Variants in SFI1 observed in about 807,000 individuals in gnomAD.
SFI1 encodes the protein SFI1 centrin binding protein.
SFI1 carries 195 observed loss-of-function variants against 207.5 expected under a neutral mutation model. The ratio of observed to expected loss-of-function variants is 0.94; its 90% confidence interval spans 0.84 to 1.06. The LOEUF (loss-of-function observed/expected upper bound fraction) is 1.06. Among genes scored for constraint, SFI1 ranks in the 50% least tolerant of loss-of-function variants. The probability of loss-of-function intolerance (pLI) is 0.00; values close to 1 mark genes in which losing one functional copy is unlikely to be tolerated. For missense variants in SFI1, 1,634 were observed against 1,588.0 expected (o/e 1.03, Z -0.49); for synonymous variants, 630 against 598.9 (o/e 1.05, Z -0.76).
chr22:31,546,969 C>T lies in SFI1; in HGVS notation c.447C>T (p.Tyr149=). ...TCTGTGTTCGAGCTGACTGTCACTA[C>T]AGGTCAGGTTTCATGTTACACTCCT... ...WKLCVRADCH[Y]RYYLYNLMFQ... Residue 149 remains tyrosine (Y), a splice_region_variant and synonymous_variant, in exon 5 of 33, where the codon TAC becomes TAT. Coordinates refer to ENST00000400288, the MANE Select transcript of SFI1 (RefSeq NM_001007467.3). The T allele has an allele frequency of 8.1e-6, 13 of 1,600,996 alleles. No homozygotes were observed. The highest frequency in any genetic ancestry group is 2.2e-5 in the East Asian group (1 of 44,624).
In SFI1 at chr22:31,615,803, G is replaced by A. The variant is rs1041390702; in HGVS notation, c.3300+524G>A. The A allele has an allele frequency of 4.6e-5, 7 of 153,400 alleles. No homozygotes were observed. In the Admixed American group the frequency reaches 4.6e-4, roughly 10 times the overall value. 9.5% of individuals were successfully genotyped at this position (153,400 alleles called of 1,614,324 possible). A position where few individuals can be genotyped will look rare whatever the true frequency, so the allele number is the denominator to read the frequency against. The stretch of plus-strand genomic sequence containing the variant: ...GAGGGAGTTGCTGAATGAGGGGAAA[G>A]AAGGAATCCAGGCTGATGTGGGCTG... On this transcript the variant is annotated intron_variant, in intron 29 of 32. Coordinates refer to ENST00000400288, the MANE Select transcript of SFI1 (RefSeq NM_001007467.3).
chr22:31,597,770 G>A (rs556822154), intron 15 of SFI1, among the ~76,000 whole-genome samples: 22 of 152,098 alleles, frequency 1.4e-4, no homozygotes, highest in Non-Finnish European at 2.8e-4. Context: ...ATGTATCTTT[G>A]ATATTCTTAG....
chr22:31,530,180 A>G (rs2058344750), intron 3 of SFI1, among the ~76,000 whole-genome samples: 1 of 117,350 alleles, frequency 8.5e-6, no homozygotes, highest in African/African-American at 3.5e-5. Flanking sequence ...TCAAAAAAAA[A>G]AAAAAAAAAA....
chr22:31,605,058 C>CT (rs1305316775), intron 20 of SFI1, 113 bp downstream of exon 20: 25 of 882,160 alleles, frequency 2.8e-5, no homozygotes, highest in Admixed American at 6.1e-5. Context: ...TCCCGGGTTC[C>CT]TAGTCGCTAA....
chr22:31,530,477 A>C (rs1243888419), intron 3 of SFI1: 1 of 277,010 alleles, frequency 3.6e-6, no homozygotes, highest in Non-Finnish European at 6.9e-6. Flanking sequence ...GCGACAGAGC[A>C]AAACTCTGTC....
intron 2 of SFI1, 48 bp from the exon 3 acceptor site, chr22:31,528,642 C>G (rs749177895): frequency 1.3e-6 from 2 of 1,523,908 alleles, no homozygotes; most frequent in Non-Finnish European, 1.8e-6. Flanking sequence ...GCATCACATG[C>G]AGAGATAACT....
rs759635286 is a variant in SFI1, at chr22:31,528,843, G to C, written c.246G>C (p.Arg82=). Residue 82 remains arginine (R), a synonymous_variant, in exon 3 of 33, where the codon CGG becomes CGC. Transcript: ENST00000400288. ...CACATACTTGTACCCGACAGGGCCG[G>C]TTAAGAGAACTGCGCATCAGGTGAG... ...RGTHTCTRQG[R]LRELRIRCVA... The C allele has an allele frequency of 3.1e-6, 5 of 1,613,738 alleles. No individual in the cohort carries two copies. Among genetic ancestry groups the C allele is most frequent in the Non-Finnish European group, 4.2e-6 (5 of 1,179,824 alleles).
intron 8 of SFI1, among the ~76,000 whole-genome samples, chr22:31,565,271 T>C (rs1393470334): frequency 1.3e-5 from 2 of 152,102 alleles, no homozygotes; most frequent in Non-Finnish European, 2.9e-5. Context: ...TATAAAAATA[T>C]GTGCACATAT....
At chr22:31,609,671 T>A (rs1293270993) in intron 22 of SFI1, among the ~76,000 whole-genome samples, 1 of 152,186 alleles carries the variant, frequency 6.6e-6, no homozygotes, top group Non-Finnish European at 1.5e-5. Flanking sequence ...AACCCTGGGG[T>A]CAGCCATCCC....
intron 29 of SFI1, chr22:31,615,609 G>T: frequency 3.9e-6 from 1 of 256,034 alleles, no homozygotes; most frequent in Non-Finnish European, 7.3e-6. Flanking sequence ...AGAAGAGTAG[G>T]AAGTCGGGGA....
rs529607600 is a variant in SFI1 at position 31,574,974 on chromosome 22, G to A, written c.923-257G>A. Among the ~76,000 whole-genome samples the A allele has an allele frequency of 2.0e-4, 31 of 151,566 alleles. 1 individual carries two copies. In the East Asian group the frequency reaches 6.0e-3, roughly 29 times the overall value. The stretch of plus-strand genomic sequence containing the variant: ...CTTGGGAGGCTGAGGCAGGAGAATC[G>A]CTGGAACCTGGGAGGCATAGGTTGC... On this transcript the variant is annotated intron_variant, in intron 9 of 32. Coordinates refer to ENST00000400288, the MANE Select transcript of SFI1 (RefSeq NM_001007467.3).
chr22:31,502,836 G>A (rs1435922379), intron 1 of SFI1, among the ~76,000 whole-genome samples: 2 of 151,892 alleles, frequency 1.3e-5, no homozygotes, highest in Admixed American at 6.6e-5. Context: ...GATTATGGCC[G>A]AGCGTGGTGG....
intron 10 of SFI1, chr22:31,578,145 C>T (rs1338806882): frequency 9.0e-6 from 3 of 335,142 alleles, no homozygotes; most frequent in Non-Finnish European, 1.6e-5. Flanking sequence ...TTTTTTGCGT[C>T]TCATCTCATG....
chr22:31,552,021 C>T (rs1490277098), intron 6 of SFI1, among the ~76,000 whole-genome samples: 1 of 152,208 alleles, frequency 6.6e-6, no homozygotes, highest in Non-Finnish European at 1.5e-5. Context: ...CCTTGGGCCT[C>T]TTCCACCCTC....
At chr22:31,506,552 A>G (rs370165959) in intron 1 of SFI1, among the ~76,000 whole-genome samples, 1 of 152,138 alleles carries the variant, frequency 6.6e-6, no homozygotes, top group African/African-American at 2.4e-5. Flanking sequence ...CTCTCCTCTC[A>G]GTTTCCTTCA....
Position 31,618,144 on chromosome 22 carries a change from G to A in SFI1, c.3542G>A (p.Arg1181His), listed in dbSNP as rs746162293. ...WSCRRQASSL[R>H]RWLELNREEP... ...TGTCGGCGGCAAGCGAGCAGCCTGC[G>A]CAGGTGGCTGGAGCTGAACAGAGAG... The change falls in exon 32 of 33, where the codon CGC (arginine) becomes CAC (histidine). Residue 1181 changes from arginine (R) to histidine (H), a missense_variant. Transcript: ENST00000400288. 1.0e-5 allele frequency: 16 copies of A among 1,585,728 alleles called. No homozygotes were observed. In the Admixed American group the frequency reaches 1.1e-4, roughly 11 times the overall value.
chr22:31,595,684 T>C (rs1028414265), intron 15 of SFI1, among the ~76,000 whole-genome samples: 1 of 152,192 alleles, frequency 6.6e-6, no homozygotes, highest in African/African-American at 2.4e-5. Flanking sequence ...TGCTCAGAGC[T>C]AGTGCTGAGG....
rs761078189 is a variant in SFI1 at position 31,611,175 on chromosome 22, G to C, written c.2287G>C (p.Asp763His). The change falls in exon 23 of 33, where the codon GAC becomes CAC. Residue 763 changes from aspartate (D) to histidine (H), a missense_variant. Coordinates refer to ENST00000400288, the MANE Select transcript of SFI1 (RefSeq NM_001007467.3). ...GCGGACCTGGTTTCAGCGCTGGTGG[G>C]ACTGCAGCCGGAGGTCAGCCCAGCA... ...CLRTWFQRWW[D>H]CSRRSAQQRL... 1 of 1,614,176 alleles carries C rather than the reference G, an allele frequency of 6.2e-7. No individual in the cohort carries two copies. The highest frequency in any genetic ancestry group is 2.2e-5 in the East Asian group (1 of 44,890).
chr22:31,514,241 C>T (rs2056128343), intron 2 of SFI1, among the ~76,000 whole-genome samples: 1 of 151,514 alleles, frequency 6.6e-6, no homozygotes, highest in Non-Finnish European at 1.5e-5. Flanking sequence ...TGCGGTGGCT[C>T]ATGCCTGTAA....
Sources: allele counts gnomAD v4.1 joint callset (sites outside exome capture counted in the v4.1 genomes callset), GRCh38; gene constraint gnomAD v4.1.1; transcripts MANE v1.5; gene names NCBI Gene and HGNC (gene_info 2026-07-23, HGNC 2026-07-21).